The following DGKB variants were observed in gnomAD, a reference collection of about 807,000 sequenced individuals.
The protein encoded by DGKB is 90 kDa diacylglycerol kinase.
In DGKB, 67 loss-of-function variants were observed where a neutral mutation model predicts 114.3. The ratio of observed to expected loss-of-function variants is 0.59; its 90% CI spans 0.48 to 0.72. The LOEUF (loss-of-function observed/expected upper bound fraction) is 0.72. DGKB is among the 30% of genes least tolerant of loss of function. The pLI is 0.00. For synonymous variants in DGKB, 398 were observed against 323.1 expected (o/e 1.23, Z -2.49); for missense variants, 907 against 975.2 (o/e 0.93, Z 0.93).
intron 23 of DGKB, among the ~76,000 whole-genome samples, chr7:14,324,444 C>T (rs1448202240): frequency 6.1e-5 from 4 of 65,224 alleles, no homozygotes; most frequent in African/African-American, 1.3e-4. Context: ...GAGACTCTGT[C>T]TCAAAAAAAA....
intron 3 of DGKB, among the ~76,000 whole-genome samples, chr7:14,756,682 C>T (rs1456113892): frequency 6.6e-6 from 1 of 151,538 alleles, no homozygotes; most frequent in Non-Finnish European, 1.5e-5. Context: ...AAATTAAGTT[C>T]TAGAAATCCC....
chr7:14,203,267 A>T (rs1404225814), intron 23 of DGKB, among the ~76,000 whole-genome samples: 1 of 151,872 alleles, frequency 6.6e-6, no homozygotes, highest in East Asian at 1.9e-4. Flanking sequence ...GTCATAAGAC[A>T]TTTCCTTATG....
intron 20 of DGKB, among the ~76,000 whole-genome samples, chr7:14,502,830 C>T (rs1351985583): frequency 6.6e-6 from 1 of 152,122 alleles, no homozygotes; most frequent in Non-Finnish European, 1.5e-5. Context: ...AATCCCATCA[C>T]AATTTCTATC....
At chr7:14,171,515 C>A (rs976480156) in intron 25 of DGKB, among the ~76,000 whole-genome samples, 59 of 152,078 alleles carry the variant, frequency 3.9e-4, no homozygotes, top group South Asian at 2.1e-4. Flanking sequence ...TGTGCAAAAG[C>A]AATGTATAAT....
At chr7:14,931,255 G>A (rs964432693) in intron 1 of DGKB, among the ~76,000 whole-genome samples, 1 of 152,018 alleles carries the variant, frequency 6.6e-6, no homozygotes, top group Admixed American at 6.6e-5. Context: ...GGGATTACAG[G>A]CGTGCGCCTC....
chr7:14,724,606 C>T (rs188847994), intron 5 of DGKB, among the ~76,000 whole-genome samples: 9 of 152,264 alleles, frequency 5.9e-5, no homozygotes, highest in Admixed American at 2.6e-4. Flanking sequence ...TTGGGGATAA[C>T]GTTTTAAGAG....
At chr7:14,517,692 A>G (rs1789060389) in intron 20 of DGKB, among the ~76,000 whole-genome samples, 1 of 152,160 alleles carries the variant, frequency 6.6e-6, no homozygotes, top group African/African-American at 2.4e-5. Flanking sequence ...ACACACAGCC[A>G]ACAAGCATAT....
At chr7:14,471,254 T>G (rs1781296350) in intron 21 of DGKB, among the ~76,000 whole-genome samples, 1 of 24,384 alleles carries the variant, frequency 4.1e-5, no homozygotes, top group African/African-American at 2.4e-4. Context: ...CATACATATA[T>G]GTGTATGGAA....
chr7:14,272,983 C>A (rs914459919), intron 23 of DGKB, among the ~76,000 whole-genome samples: 2 of 152,220 alleles, frequency 1.3e-5, no homozygotes, highest in East Asian at 3.9e-4. Flanking sequence ...CTGATATACC[C>A]GGACCAGGAA....
chr7:14,632,701 A>G (rs963140633), intron 13 of DGKB, among the ~76,000 whole-genome samples: 1 of 151,850 alleles, frequency 6.6e-6, no homozygotes, highest in Non-Finnish European at 1.5e-5. Flanking sequence ...AGAAATAAGG[A>G]GCACTATTTT....
chr7:14,191,867 A>G, intron 23 of DGKB: 2 of 511,828 alleles, frequency 3.9e-6, no homozygotes, highest in South Asian at 3.0e-5. Flanking sequence ...CACAGTTCAC[A>G]TTGCTTGCCA....
chr7:14,580,012 C>A (rs1295110406), intron 19 of DGKB, among the ~76,000 whole-genome samples: 1 of 152,148 alleles, frequency 6.6e-6, no homozygotes, highest in Non-Finnish European at 1.5e-5. Flanking sequence ...GTGATCTTAC[C>A]TAGTGGTGTT....
chr7:14,278,885 G>C (rs543460520), intron 23 of DGKB, among the ~76,000 whole-genome samples: 17 of 152,146 alleles, frequency 1.1e-4, no homozygotes, highest in Admixed American at 1.1e-3. Flanking sequence ...GAGCCAAGAC[G>C]GCCGAATAGG....
chr7:14,792,540 G>C (rs568256310), intron 2 of DGKB, among the ~76,000 whole-genome samples: 12 of 152,142 alleles, frequency 7.9e-5, no homozygotes, highest in African/African-American at 2.6e-4. Flanking sequence ...TAATCTTTCT[G>C]TAAATGACAA....
intron 13 of DGKB, among the ~76,000 whole-genome samples, chr7:14,668,995 G>A (rs945367079): frequency 6.6e-6 from 1 of 151,806 alleles, no homozygotes; most frequent in African/African-American, 2.4e-5. Context: ...CTAAATGGAT[G>A]ATTATTAACT....
chr7:14,428,715 G>T (rs1326614490), intron 21 of DGKB, among the ~76,000 whole-genome samples: 1 of 152,006 alleles, frequency 6.6e-6, no homozygotes, highest in Non-Finnish European at 1.5e-5. Context: ...TTAAAAATAG[G>T]TGCACATGTG....
At chr7:14,169,229 G>C (rs1300406344) in intron 25 of DGKB, among the ~76,000 whole-genome samples, 1 of 151,732 alleles carries the variant, frequency 6.6e-6, no homozygotes, top group Non-Finnish European at 1.5e-5. Context: ...GCCAGGTGTG[G>C]TGGCGGGCGC....
At chr7:14,376,740 C>A (rs1223379491) in intron 21 of DGKB, among the ~76,000 whole-genome samples, 1 of 152,080 alleles carries the variant, frequency 6.6e-6, no homozygotes, top group Non-Finnish European at 1.5e-5. Flanking sequence ...GTGTGAGAAG[C>A]CATTTTATGA....
At chr7:14,643,546 A>G (rs544405249) in intron 13 of DGKB, among the ~76,000 whole-genome samples, 2 of 152,206 alleles carry the variant, frequency 1.3e-5, no homozygotes, top group Admixed American at 6.5e-5. Context: ...GTCTCATGAA[A>G]CCAACTGGAA....
Sources: gnomAD v4.1 joint callset for allele counts (sites outside exome capture counted in the v4.1 genomes callset) on GRCh38, gnomAD v4.1.1 for gene constraint, MANE v1.5 for transcripts, NCBI Gene and HGNC (gene_info 2026-07-23, HGNC 2026-07-21) for gene names.